The following LRRC20 variants were observed in gnomAD, a reference collection of about 807,000 sequenced individuals.
The protein encoded by LRRC20 is leucine rich repeat containing 20.
LRRC20 carries 11 observed loss-of-function variants against 14.4 expected under a neutral mutation model. The observed-to-expected ratio is 0.77, with a 90% CI of 0.48 to 1.27. The LOEUF is 1.27. Among genes scored for constraint, LRRC20 ranks in the 50% most tolerant of loss-of-function variants. LRRC20 has a pLI of 0.00. For synonymous variants in LRRC20, 121 were observed against 107.3 expected (o/e 1.13, Z -0.79); for missense variants, 219 against 251.2 (o/e 0.87, Z 0.87).
In LRRC20 at chr10:70,301,365, G is replaced by A. The variant is rs1564605149; in HGVS notation, c.544C>T (p.Pro182Ser). ...MLMSPEGARA[P>S]LP ...ATGAGGAGGGTGGCCTAAGGTAGGG[G>A]GGCTCTTGCGCCTTCCGGAGACATG... Residue 182 changes from proline to serine, a missense_variant, in exon 5 of 5, where the codon CCC becomes TCC. Physicochemically the swap from Pro to Ser is moderately conservative, Grantham distance 74. Transcript: ENST00000446961. The A allele has an allele frequency of 1.9e-6, 3 of 1,612,700 alleles. No homozygotes were observed. Among genetic ancestry groups the A allele is most frequent in the Non-Finnish European group, 2.5e-6 (3 of 1,179,792 alleles).
In LRRC20 at chr10:70,340,635, G is replaced by A. The variant is rs1000917833; in HGVS notation, c.150C>T (p.Gly50=). The A allele has an allele frequency of 7.4e-6, 12 of 1,614,068 alleles. No individual in the cohort carries two copies. The highest frequency in any genetic ancestry group is 1.6e-4 in the Middle Eastern group (1 of 6,084). Residue 50 remains glycine, a synonymous_variant, in exon 3 of 5, where the codon GGC becomes GGT. Transcript: ENST00000446961. The part of the protein sequence containing the change: ...GIYKVLRNVS[G]QIHLITLANN... ...TAGCCAGGGTGATGAGGTGGATCTGGCCAGAGACATTCCGCAGGACCTTGT... is the reference window on the plus strand; with the variant it reads ...TAGCCAGGGTGATGAGGTGGATCTGACCAGAGACATTCCGCAGGACCTTGT...
intron 3 of LRRC20, 46 bp from the exon 4 acceptor site, chr10:70,324,076 A>C (rs766556356): frequency 1.9e-6 from 3 of 1,580,168 alleles, no homozygotes; most frequent in South Asian, 2.2e-5. Flanking sequence ...GGAGGGGGCC[A>C]CCCCGAGACC....
At chr10:70,336,552 A>C (rs915852581) in intron 3 of LRRC20, among the ~76,000 whole-genome samples, 1 of 152,242 alleles carries the variant, frequency 6.6e-6, no homozygotes, top group Non-Finnish European at 1.5e-5. Context: ...CTTCCAATTA[A>C]GGACCAACAA....
At chr10:70,366,416 C>T (rs1362729567) in intron 2 of LRRC20, among the ~76,000 whole-genome samples, 1 of 151,414 alleles carries the variant, frequency 6.6e-6, no homozygotes, top group Non-Finnish European at 1.5e-5. Flanking sequence ...AGAAGTGAAA[C>T]TCTGTCTCAA....
At chr10:70,342,605 C>T (rs1182680703) in intron 2 of LRRC20, among the ~76,000 whole-genome samples, 1 of 152,182 alleles carries the variant, frequency 6.6e-6, no homozygotes, top group African/African-American at 2.4e-5. Context: ...CACCAGCTGC[C>T]TAGCAGAGCT....
At chr10:70,332,096 A>C (rs534049981) in intron 3 of LRRC20, among the ~76,000 whole-genome samples, 1 of 152,340 alleles carries the variant, frequency 6.6e-6, no homozygotes, top group Admixed American at 6.5e-5. Context: ...GCAATGAGCA[A>C]TCACAGTCCC....
chr10:70,339,409 C>T (rs7095477), intron 3 of LRRC20, among the ~76,000 whole-genome samples: 2,247 of 152,240 alleles, frequency 0.015, 62 homozygotes, highest in African/African-American at 0.052. Context: ...GAGGAAGGCT[C>T]CTGGAAGACA....
intron 2 of LRRC20, among the ~76,000 whole-genome samples, chr10:70,355,069 T>C (rs988891021): frequency 9.9e-5 from 15 of 152,196 alleles, no homozygotes; most frequent in African/African-American, 2.7e-4. Flanking sequence ...GACAGCCCTC[T>C]GTCAAACAGG....
At chr10:70,330,288 G>T (rs942126560) in intron 3 of LRRC20, among the ~76,000 whole-genome samples, 1 of 151,928 alleles carries the variant, frequency 6.6e-6, no homozygotes, top group African/African-American at 2.4e-5. Flanking sequence ...TTATTTGATA[G>T]TCATAGGTCT....
intron 2 of LRRC20, among the ~76,000 whole-genome samples, chr10:70,373,207 G>T (rs568679971): frequency 1.3e-5 from 2 of 151,838 alleles, no homozygotes; most frequent in East Asian, 3.9e-4. Flanking sequence ...TATTTTACAT[G>T]AGAACCATAT....
At chr10:70,372,958 A>G (rs1227504396) in intron 2 of LRRC20, among the ~76,000 whole-genome samples, 28 of 137,426 alleles carry the variant, frequency 2.0e-4, no homozygotes, top group African/African-American at 7.5e-4. Flanking sequence ...AAAAAAAAAT[A>G]GAAAAATAAG....
intron 4 of LRRC20, among the ~76,000 whole-genome samples, chr10:70,303,734 TAA>T (rs1262585768): frequency 6.6e-6 from 1 of 152,226 alleles, no homozygotes; most frequent in Non-Finnish European, 1.5e-5. Context: ...ACATGAAATT[TAA>T]GACAGCCCTA....
At chr10:70,359,020 A>G (rs954274095) in intron 2 of LRRC20, among the ~76,000 whole-genome samples, 1 of 152,190 alleles carries the variant, frequency 6.6e-6, no homozygotes, top group African/African-American at 2.4e-5. Context: ...GAATGAGCTA[A>G]TATTTATCTA....
intron 4 of LRRC20, among the ~76,000 whole-genome samples, chr10:70,306,425 C>T (rs1293893874): frequency 6.6e-6 from 1 of 152,046 alleles, no homozygotes; most frequent in African/African-American, 2.4e-5. Flanking sequence ...TCTTTTATGA[C>T]ATTGATATTG....
intron 2 of LRRC20, among the ~76,000 whole-genome samples, chr10:70,372,598 C>T (rs905820689): frequency 8.6e-4 from 130 of 151,978 alleles, no homozygotes; most frequent in African/African-American, 2.8e-3. Context: ...CCCGCCACCA[C>T]GCCCGGCTAA....
chr10:70,350,073 C>T (rs980042225), intron 2 of LRRC20, among the ~76,000 whole-genome samples: 1 of 152,210 alleles, frequency 6.6e-6, no homozygotes, highest in Non-Finnish European at 1.5e-5. Context: ...AGAGCCTCGC[C>T]CATGCTGCAT....
intron 1 of LRRC20, among the ~76,000 whole-genome samples, chr10:70,377,218 G>A (rs1407529106): frequency 6.6e-6 from 1 of 152,186 alleles, no homozygotes; most frequent in African/African-American, 2.4e-5. Flanking sequence ...GTACTAGCCT[G>A]CAGACCTGAT....
intron 2 of LRRC20, among the ~76,000 whole-genome samples, chr10:70,372,668 T>A (rs149585151): frequency 0.21 from 31,985 of 151,814 alleles, 3,734 homozygotes; most frequent in African/African-American, 0.3. Flanking sequence ...GGTTTCGATC[T>A]CCTGACCTTG....
intron 3 of LRRC20, among the ~76,000 whole-genome samples, chr10:70,329,527 G>A (rs1842452879): frequency 6.8e-6 from 1 of 147,648 alleles, no homozygotes; most frequent in African/African-American, 2.5e-5. Flanking sequence ...CTTTTTCTTT[G>A]TCAAATGATA....
Sources: allele counts gnomAD v4.1 joint callset (sites outside exome capture counted in the v4.1 genomes callset), GRCh38; gene constraint gnomAD v4.1.1; transcripts MANE v1.5; gene names NCBI Gene and HGNC (gene_info 2026-07-23, HGNC 2026-07-21).